Variants in STARD13 observed in about 807,000 individuals in gnomAD.
The protein encoded by STARD13 is StAR related lipid transfer domain containing 13, also known as stAR-related lipid transfer protein 13.
A neutral mutation model predicts 106.4 loss-of-function variants in STARD13; 62 were observed. The observed-to-expected ratio is 0.58, with a 90% CI of 0.48 to 0.72. The LOEUF (loss-of-function observed/expected upper bound fraction) is 0.72. STARD13 is among the 30% of genes least tolerant of loss of function. The pLI is 0.00. For synonymous variants in STARD13, 565 were observed against 553.0 expected (o/e 1.02, Z -0.31); for missense variants, 1,387 against 1,424.0 (o/e 0.97, Z 0.42).
chr13:33,647,277 A>T, the STARD13 span, among the ~76,000 whole-genome samples: 1 of 152,166 alleles, frequency 6.6e-6, no homozygotes, highest in African/African-American at 2.4e-5. Flanking sequence ...ATCCCATGGG[A>T]CTCAAAAAAA....
intron 1 of STARD13, chr13:33,349,224 G>A (rs1455396207): frequency 5.7e-6 from 4 of 702,184 alleles, no homozygotes; most frequent in Non-Finnish European, 7.8e-6. Context: ...GTCCTGGAGA[G>A]GACACAGAGG....
rs1202935583 is a variant in STARD13, at chr13:33,118,064, C to T, written c.2281+1G>A. 1 of 1,614,166 alleles carries T rather than the reference C, an allele frequency of 6.2e-7. No homozygotes were observed. Among genetic ancestry groups the T allele is most frequent in the Admixed American group, 1.7e-5 (1 of 60,022 alleles). ...ACACCAATCTCATTATTTCCACTTACACTGATAGATATGGAGAAAGGTCTC... is the reference window on the plus strand; with the variant it reads ...ACACCAATCTCATTATTTCCACTTATACTGATAGATATGGAGAAAGGTCTC... On this transcript the variant is annotated splice_donor_variant, in intron 8 of 13. Coordinates refer to ENST00000336934, the MANE Select transcript of STARD13 (RefSeq NM_178006.4). LOFTEE classifies it high-confidence loss of function.
chr13:33,550,192 C>A, the STARD13 span, among the ~76,000 whole-genome samples: 1 of 152,168 alleles, frequency 6.6e-6, no homozygotes, highest in South Asian at 2.1e-4. Flanking sequence ...AGATTCCCTA[C>A]AGCAAGCAAG....
At chr13:33,596,958 T>G in the STARD13 span, among the ~76,000 whole-genome samples, 1 of 152,246 alleles carries the variant, frequency 6.6e-6, no homozygotes, top group Non-Finnish European at 1.5e-5. Flanking sequence ...TTAGGTTGGT[T>G]CCACATCTTG....
downstream of STARD13, among the ~76,000 whole-genome samples, chr13:33,345,453 T>C (rs1177954111): frequency 1.3e-5 from 2 of 152,168 alleles, no homozygotes; most frequent in Admixed American, 1.3e-4. Flanking sequence ...CAATAGGAAA[T>C]AGGCACAGAT....
chr13:33,123,357 T>A (rs1011684561), intron 7 of STARD13, among the ~76,000 whole-genome samples: 3 of 152,258 alleles, frequency 2.0e-5, no homozygotes, highest in Non-Finnish European at 4.4e-5. Flanking sequence ...GACTTAATGA[T>A]GTTTATCAGG....
At chr13:33,243,826 C>T (rs1889684562) in intron 1 of STARD13, among the ~76,000 whole-genome samples, 1 of 152,146 alleles carries the variant, frequency 6.6e-6, no homozygotes, top group Non-Finnish European at 1.5e-5. Flanking sequence ...AAGCCCAGGT[C>T]TGGCACCTGT....
intron 1 of STARD13, among the ~76,000 whole-genome samples, chr13:33,232,599 C>A (rs953389334): frequency 6.6e-6 from 1 of 152,204 alleles, no homozygotes; most frequent in Non-Finnish European, 1.5e-5. Flanking sequence ...CCTCCAGAAT[C>A]TTGCAGTCAT....
the STARD13 span, among the ~76,000 whole-genome samples, chr13:33,362,635 C>A: frequency 6.6e-6 from 1 of 151,688 alleles, no homozygotes; most frequent in South Asian, 2.1e-4. Context: ...ACAACGTCAA[C>A]CACCACCACA....
intron 1 of STARD13, among the ~76,000 whole-genome samples, chr13:33,320,128 C>T (rs1893500900): frequency 6.6e-6 from 1 of 152,228 alleles, no homozygotes; most frequent in Non-Finnish European, 1.5e-5. Context: ...CAGCCTTTGG[C>T]TACTGCTAGA....
the STARD13 span, among the ~76,000 whole-genome samples, chr13:33,427,897 G>A: frequency 2.0e-5 from 3 of 149,860 alleles, no homozygotes; most frequent in Non-Finnish European, 4.4e-5. Context: ...AGAGGTTGTG[G>A]TGAGCTGAGA....
chr13:33,674,108 C>T, the STARD13 span, among the ~76,000 whole-genome samples: 2 of 152,188 alleles, frequency 1.3e-5, no homozygotes, highest in Non-Finnish European at 2.9e-5. Flanking sequence ...GATCTGCCCA[C>T]CTTGGCCTCC....
chr13:33,464,037 ATATATGTATATG>A, the STARD13 span, among the ~76,000 whole-genome samples: 1 of 141,018 alleles, frequency 7.1e-6, no homozygotes, highest in Non-Finnish European at 1.5e-5. Context: ...ATATATATAT[ATATATGTATATG>A]TATATGTATA....
the STARD13 span, among the ~76,000 whole-genome samples, chr13:33,452,716 A>G: frequency 6.6e-6 from 1 of 152,208 alleles, no homozygotes; most frequent in African/African-American, 2.4e-5. Flanking sequence ...CCTCATAAAA[A>G]TGTAAAGATT....
At chr13:33,491,498 TAA>T in the STARD13 span, among the ~76,000 whole-genome samples, 2 of 152,330 alleles carry the variant, frequency 1.3e-5, no homozygotes, top group African/African-American at 2.4e-5. Flanking sequence ...CAAAAATTCC[TAA>T]GAGTCTATAT....
chr13:33,134,337 G>T (rs1445746415), intron 4 of STARD13, among the ~76,000 whole-genome samples: 1 of 152,174 alleles, frequency 6.6e-6, no homozygotes, highest in Admixed American at 6.5e-5. Context: ...AATTTGTGTT[G>T]GGGCACATCC....
chr13:33,114,388 T>C (rs1407734528), intron 8 of STARD13, among the ~76,000 whole-genome samples: 1 of 152,122 alleles, frequency 6.6e-6, no homozygotes, highest in African/African-American at 2.4e-5. Flanking sequence ...TGGCCCTGAT[T>C]AGCAAATCCA....
At chr13:33,131,911 T>C (rs1205002961) in intron 4 of STARD13, among the ~76,000 whole-genome samples, 1 of 152,236 alleles carries the variant, frequency 6.6e-6, no homozygotes, top group African/African-American at 2.4e-5. Flanking sequence ...AGTCCCTCAC[T>C]GAGAGGTATT....
At chr13:33,121,723 T>G (rs905528019) in intron 7 of STARD13, among the ~76,000 whole-genome samples, 11 of 139,340 alleles carry the variant, frequency 7.9e-5, no homozygotes, top group Admixed American at 2.4e-4. Flanking sequence ...AGGGCTGGAG[T>G]GCTGGAGTGC....
Sources: gnomAD v4.1 joint callset for allele counts (sites outside exome capture counted in the v4.1 genomes callset) on GRCh38, gnomAD v4.1.1 for gene constraint, MANE v1.5 for transcripts, NCBI Gene and HGNC (gene_info 2026-07-23, HGNC 2026-07-21) for gene names.